AOPEP: variants seen among roughly 807,000 people sequenced by gnomAD.
AOPEP encodes the protein aminopeptidase O (putative).
A neutral mutation model predicts 98.1 loss-of-function variants in AOPEP; 77 were observed. The ratio of observed to expected loss-of-function variants is 0.78; its 90% CI spans 0.65 to 0.95. The LOEUF (loss-of-function observed/expected upper bound fraction) is 0.95, where lower values mean the gene tolerates loss of function less well. AOPEP is among the 40% of genes least tolerant of loss of function. The pLI is 0.00. For synonymous variants in AOPEP, 346 were observed against 365.3 expected, an observed-to-expected ratio of 0.95 and a Z score of 0.60; for missense variants, 1,024 against 1,024.7, an observed-to-expected ratio of 1.00 and a Z score of 0.01.
At chr9:95,094,088 T>G in the AOPEP span, among the ~76,000 whole-genome samples, 5 of 152,142 alleles carry the variant, frequency 3.3e-5, no homozygotes, top group African/African-American at 1.2e-4. Flanking sequence ...TTCTCTCCCT[T>G]TCCTCCCTCT....
chr9:95,046,871 T>C (rs1380151466), intron 13 of AOPEP, among the ~76,000 whole-genome samples: 3 of 152,234 alleles, frequency 2.0e-5, no homozygotes, highest in Non-Finnish European at 2.9e-5. Context: ...GGTAGACATA[T>C]TAGCATTTGA....
At chr9:94,979,742 G>T (rs889462089) in intron 11 of AOPEP, among the ~76,000 whole-genome samples, 1 of 150,042 alleles carries the variant, frequency 6.7e-6, no homozygotes, top group Non-Finnish European at 1.5e-5. Context: ...TCCATGCCCC[G>T]TGGGGCAGGT....
chr9:95,013,615 T>C (rs1455435341), intron 13 of AOPEP, among the ~76,000 whole-genome samples: 1 of 152,206 alleles, frequency 6.6e-6, no homozygotes, highest in Middle Eastern at 3.2e-3. Flanking sequence ...ATCATCTGCT[T>C]TTAGATTGAT....
the AOPEP span, among the ~76,000 whole-genome samples, chr9:95,149,111 TA>T: frequency 6.6e-6 from 1 of 152,170 alleles, no homozygotes; most frequent in African/African-American, 2.4e-5. Flanking sequence ...TTGCTTTTCA[TA>T]AAAATAAGCT....
the AOPEP span, among the ~76,000 whole-genome samples, chr9:95,118,457 G>A: frequency 6.6e-6 from 1 of 152,244 alleles, no homozygotes; most frequent in African/African-American, 2.4e-5. Flanking sequence ...CGCATGGAGT[G>A]CATGGGCTTT....
intron 5 of AOPEP, among the ~76,000 whole-genome samples, chr9:94,899,355 T>G (rs2050083412): frequency 6.6e-6 from 1 of 150,728 alleles, no homozygotes; most frequent in Non-Finnish European, 1.5e-5. Context: ...CGGCTATTTT[T>G]TTTTTTTTTT....
At chr9:94,753,070 A>G (rs1223816271) in intron 1 of AOPEP, among the ~76,000 whole-genome samples, 2 of 152,212 alleles carry the variant, frequency 1.3e-5, no homozygotes, top group Non-Finnish European at 2.9e-5. Flanking sequence ...CCTCCAACTG[A>G]GTACCATTGA....
At chr9:94,807,111 C>T (rs1849414216) in intron 5 of AOPEP, among the ~76,000 whole-genome samples, 1 of 152,086 alleles carries the variant, frequency 6.6e-6, no homozygotes, top group Non-Finnish European at 1.5e-5. Flanking sequence ...TTGAGGCAGC[C>T]ATAGAATCTG....
chr9:94,898,777 A>G (rs1378118420), intron 5 of AOPEP, among the ~76,000 whole-genome samples: 1 of 151,912 alleles, frequency 6.6e-6, no homozygotes, highest in Non-Finnish European at 1.5e-5. Context: ...CTGCGTCTCT[A>G]CTAAAAATAC....
intron 5 of AOPEP, among the ~76,000 whole-genome samples, chr9:94,919,129 T>G (rs1251966211): frequency 6.6e-6 from 1 of 152,186 alleles, no homozygotes; most frequent in African/African-American, 2.4e-5. Context: ...TTGGCCAGGC[T>G]GGTCTTGAAC....
chr9:95,078,893 G>A (rs1046061017), intron 14 of AOPEP, among the ~76,000 whole-genome samples: 24 of 152,230 alleles, frequency 1.6e-4, no homozygotes, highest in African/African-American at 5.8e-4. Flanking sequence ...ATGGGATGGT[G>A]AGCTAACTTC....
At chr9:95,050,889 T>TA (rs1438420411) in intron 13 of AOPEP, among the ~76,000 whole-genome samples, 1 of 152,182 alleles carries the variant, frequency 6.6e-6, no homozygotes, top group Non-Finnish European at 1.5e-5. Flanking sequence ...CCAGAATAAA[T>TA]ACCCAAGAGT....
At chr9:94,812,133 G>A (rs1250329632) in intron 5 of AOPEP, among the ~76,000 whole-genome samples, 2 of 152,090 alleles carry the variant, frequency 1.3e-5, no homozygotes, top group Non-Finnish European at 2.9e-5. Flanking sequence ...TAGAGATGAG[G>A]GAAAGGGTGC....
At chr9:94,838,732 T>A (rs1209267659) in intron 5 of AOPEP, among the ~76,000 whole-genome samples, 2 of 152,182 alleles carry the variant, frequency 1.3e-5, no homozygotes, top group Admixed American at 1.3e-4. Context: ...TGATGGTTCT[T>A]ACTTTGAATC....
chr9:94,804,811 A>T (rs1848898348), intron 5 of AOPEP, among the ~76,000 whole-genome samples: 1 of 152,252 alleles, frequency 6.6e-6, no homozygotes, highest in Non-Finnish European at 1.5e-5. Flanking sequence ...TGCTATGAAG[A>T]AAATAAAATC....
chr9:94,791,519 G>T (rs1414842812), intron 3 of AOPEP, among the ~76,000 whole-genome samples: 3 of 150,670 alleles, frequency 2.0e-5, no homozygotes, highest in Non-Finnish European at 4.4e-5. Context: ...AAAAAAAAAT[G>T]TAAGCTGTGT....
intron 5 of AOPEP, among the ~76,000 whole-genome samples, chr9:94,918,939 G>A (rs932062381): frequency 4.6e-5 from 7 of 151,168 alleles, no homozygotes; most frequent in Non-Finnish European, 1.0e-4. Context: ...TTGTTGAGTC[G>A]GAGTCTCGCA....
At chr9:95,094,334 A>G in the AOPEP span, among the ~76,000 whole-genome samples, 1 of 152,378 alleles carries the variant, frequency 6.6e-6, no homozygotes, top group African/African-American at 2.4e-5. Context: ...TTATTACAGC[A>G]GAATACACAT....
chr9:95,004,994 G>A (rs1451808620), intron 11 of AOPEP, 164 bp from the exon 12 acceptor site: 1 of 159,868 alleles, frequency 6.3e-6, no homozygotes, highest in Admixed American at 6.8e-5. Flanking sequence ...CGCCTGAGGT[G>A]ATGCGGACCC....
Sources: allele counts gnomAD v4.1 joint callset (sites outside exome capture counted in the v4.1 genomes callset), GRCh38; gene constraint gnomAD v4.1.1; transcripts MANE v1.5; gene names NCBI Gene and HGNC (gene_info 2026-07-23, HGNC 2026-07-21).